GRM5: variants seen among roughly 807,000 people sequenced by gnomAD.
The protein encoded by GRM5 is metabotropic glutamate receptor 5.
A neutral mutation model predicts 83.1 loss-of-function variants in GRM5; 19 were observed. The ratio of observed to expected loss-of-function variants is 0.23; its 90% CI spans 0.16 to 0.34. The LOEUF is 0.34. Among genes scored for constraint, GRM5 ranks in the 10% least tolerant of loss-of-function variants. GRM5 has a pLI of 1.00. For synonymous variants in GRM5, 675 were observed against 633.6 expected, an observed-to-expected ratio of 1.07 and a Z score of -0.98; for missense variants, 1,160 against 1,588.3, an observed-to-expected ratio of 0.73 and a Z score of 4.58.
chr11:88,933,538 T>C (rs1176641193), intron 2 of GRM5, among the ~76,000 whole-genome samples: 2 of 151,868 alleles, frequency 1.3e-5, no homozygotes, highest in Non-Finnish European at 2.9e-5. Context: ...TTTTAAAAGT[T>C]TAAATACTTT....
intron 2 of GRM5, among the ~76,000 whole-genome samples, chr11:88,910,656 T>A (rs974043911): frequency 1.3e-5 from 2 of 152,096 alleles, no homozygotes; most frequent in Non-Finnish European, 1.5e-5. Context: ...ATGTCTAAGA[T>A]TGTCAAATGG....
intron 4 of GRM5, among the ~76,000 whole-genome samples, chr11:88,624,773 T>C (rs1174894566): frequency 6.6e-6 from 1 of 152,234 alleles, no homozygotes; most frequent in Admixed American, 6.5e-5. Context: ...TTAAAACATA[T>C]GTTTTGCTTT....
intron 3 of GRM5, among the ~76,000 whole-genome samples, chr11:88,817,801 G>A (rs1943718164): frequency 6.6e-6 from 1 of 152,022 alleles, no homozygotes; most frequent in South Asian, 2.1e-4. Flanking sequence ...TTATGCATAA[G>A]AAAAATGAGG....
At chr11:89,013,397 G>A (rs1940762498) in intron 2 of GRM5, among the ~76,000 whole-genome samples, 2 of 152,162 alleles carry the variant, frequency 1.3e-5, no homozygotes, top group African/African-American at 4.8e-5. Context: ...AGCACAAGAA[G>A]AGGGAGGGTA....
chr11:88,970,263 C>CACT (rs1414422097), intron 2 of GRM5, among the ~76,000 whole-genome samples: 1 of 152,120 alleles, frequency 6.6e-6, no homozygotes, highest in Non-Finnish European at 1.5e-5. Context: ...CCTAATAGTT[C>CACT]AACGTGGGTG....
chr11:89,039,273 A>AT (rs1320381127), intron 2 of GRM5, among the ~76,000 whole-genome samples: 1 of 149,460 alleles, frequency 6.7e-6, no homozygotes. Context: ...TCAAAATAAA[A>AT]AAAAAATATA....
In GRM5 at chr11:88,985,244, T is replaced by C. The variant is rs180792626; in HGVS notation, c.661+61968A>G. Among the ~76,000 whole-genome samples, 470 of 152,264 alleles carry C rather than the reference T, an allele frequency of 3.1e-3. 2 individuals are homozygous for C. Among genetic ancestry groups the C allele is most frequent in the African/African-American group, 0.011 (451 of 41,582 alleles). The stretch of plus-strand genomic sequence containing the variant: ...GCCATAACTCATGCTCCTACATATA[T>C]AACCAATTTTGTTTATTTATTTTTC... On this transcript the variant is annotated intron_variant, in intron 2 of 9. Coordinates refer to ENST00000305447, the MANE Select transcript of GRM5 (RefSeq NM_001143831.3).
chr11:88,529,864 G>A (rs1393877667), intron 8 of GRM5, among the ~76,000 whole-genome samples: 4 of 151,932 alleles, frequency 2.6e-5, no homozygotes, highest in African/African-American at 9.7e-5. Flanking sequence ...TGTGTTGGAT[G>A]GTGCAGTTAA....
chr11:89,040,654 C>G (rs908613736), intron 2 of GRM5, among the ~76,000 whole-genome samples: 1 of 152,022 alleles, frequency 6.6e-6, no homozygotes, highest in African/African-American at 2.4e-5. Flanking sequence ...TGATCTATGA[C>G]CATGCCACTC....
Position 89,047,231 on chromosome 11 carries a change from T to G in GRM5, c.642A>C (p.Val214=). 1 of 1,611,818 alleles carries G rather than the reference T, an allele frequency of 6.2e-7. No homozygotes were observed. Among genetic ancestry groups the G allele is most frequent in the Non-Finnish European group, 8.5e-7 (1 of 1,178,242 alleles). The change falls in exon 2 of 10, where the codon GTA becomes GTC. Residue 214 remains valine, a synonymous_variant. Transcript: ENST00000305447. The surrounding 1 kb of genome is among the most constrained non-coding windows in gnomAD (Gnocchi z 5.1). ...DIVKRYNWTY[V]SAVHTEGNYG... is the part of the protein sequence containing the mutation. ...ACTTACCTTCTGTGTGCACGGCTGA[T>G]ACATAGGTCCAGTTGTACCTCTTCA... is the stretch of plus-strand genomic sequence containing the variant.
intron 2 of GRM5, among the ~76,000 whole-genome samples, chr11:89,035,512 A>G (rs41447651): frequency 0.019 from 2,847 of 151,982 alleles, 89 homozygotes; most frequent in African/African-American, 0.065. Context: ...ACAGTTTCTG[A>G]AGAAATCATT....
In GRM5 at chr11:88,570,021, G is replaced by A. The variant is rs531126925; in HGVS notation, c.1691-2029C>T. On this transcript the variant is annotated intron_variant, in intron 7 of 9. Transcript: ENST00000305447. ...TCGTTGTAGAAAGGGAAGGGAAGAA[G>A]GGAAGGGAAGAAACAAAGGAAAGAG... Among the ~76,000 whole-genome samples, 105 of 152,134 alleles carry A rather than the reference G, an allele frequency of 6.9e-4. 1 individual carries two copies. The South Asian group carries it at 0.014, about 21-fold the overall frequency.
intron 2 of GRM5, among the ~76,000 whole-genome samples, chr11:88,891,859 A>C (rs1472084896): frequency 6.6e-6 from 1 of 152,030 alleles, no homozygotes; most frequent in African/African-American, 2.4e-5. Context: ...AAGAACTGAA[A>C]TGTTTATGAA....
intron 2 of GRM5, among the ~76,000 whole-genome samples, chr11:88,899,368 A>C (rs564664082): frequency 2.7e-4 from 41 of 151,466 alleles, no homozygotes; most frequent in Admixed American, 5.3e-4. Context: ...AACCATTTTA[A>C]AATAAAACTT....
At chr11:89,012,759 C>G (rs111258505) in intron 2 of GRM5, among the ~76,000 whole-genome samples, 5,903 of 152,266 alleles carry the variant, frequency 0.039, 155 homozygotes, top group South Asian at 0.13. Context: ...CTCACCATGT[C>G]AGCATTCCAG....
At chr11:88,989,750 C>A (rs1939892432) in intron 2 of GRM5, among the ~76,000 whole-genome samples, 1 of 145,032 alleles carries the variant, frequency 6.9e-6, no homozygotes, top group African/African-American at 2.6e-5. Context: ...ACAACCTGCT[C>A]CTGAATGACT....
At position 88,687,686 on chromosome 11, in the gene GRM5, G is replaced by A. The variant is rs893702865; in HGVS notation, c.912-34283C>T. Among the ~76,000 whole-genome samples, 27 of 140,230 alleles carry A rather than the reference G, an allele frequency of 1.9e-4. 1 individual carries two copies. The highest frequency in any genetic ancestry group is 6.0e-5 in the Non-Finnish European group (4 of 66,240). The allele number at this position is 140,230 out of a possible 152,430, so 92.0% of individuals were successfully genotyped here. On this transcript the variant is annotated intron_variant, in intron 3 of 9. Coordinates refer to ENST00000305447, the MANE Select transcript of GRM5 (RefSeq NM_001143831.3). ...TCTATATAGTTTCACTAGGAAAAAT[G>A]GTAATTTTCAATACTATATATACCC...
intron 3 of GRM5, among the ~76,000 whole-genome samples, chr11:88,779,971 TCTC>T (rs1172184065): frequency 6.6e-6 from 1 of 152,124 alleles, no homozygotes; most frequent in African/African-American, 2.4e-5. Context: ...TTTTCTTTAA[TCTC>T]CTCAGAATCC....
intron 2 of GRM5, among the ~76,000 whole-genome samples, chr11:88,891,615 A>T (rs1388956298): frequency 2.6e-4 from 3 of 11,418 alleles, no homozygotes; most frequent in African/African-American, 4.5e-4. Flanking sequence ...AATGTCTCAT[A>T]ATTAATTTTA....
Sources: gnomAD v4.1 joint callset for allele counts (sites outside exome capture counted in the v4.1 genomes callset) on GRCh38, gnomAD v4.1.1 for gene constraint, Gnocchi (gnomAD v3.1) non-coding constraint, MANE v1.5 for transcripts, NCBI Gene and HGNC (gene_info 2026-07-23, HGNC 2026-07-21) for gene names.